ZNF516: variants seen among roughly 807,000 people sequenced by gnomAD.
ZNF516 encodes the protein zinc finger protein 516.
A neutral mutation model predicts 79.7 loss-of-function variants in ZNF516; 19 were observed. That is an observed-to-expected ratio of 0.24 (90% CI 0.17 to 0.35). ZNF516 has a LOEUF of 0.35. Ranked by LOEUF, ZNF516 falls within the 10% of genes least tolerant of loss-of-function variation. ZNF516 has a pLI of 1.00. For missense variants in ZNF516, 1,678 were observed against 1,679.5 expected (o/e 1.00, Z 0.02); for synonymous variants, 877 against 739.5 (o/e 1.19, Z -3.02).
Position 76,441,472 on chromosome 18 carries a change from T to C in ZNF516, c.1583A>G (p.His528Arg), listed in dbSNP as rs941297055. ...FECGKIFRTYHQMVLHSRVHR... is the reference protein window; with the variant it reads ...FECGKIFRTYRQMVLHSRVHR... Reference sequence around the variant, plus strand: ...CACGCGTGAGTGCAGCACCATCTGATGATAGGTGCGGAAGATCTTGCCGCA... The same window carrying C: ...CACGCGTGAGTGCAGCACCATCTGACGATAGGTGCGGAAGATCTTGCCGCA... The change falls in exon 3 of 7, where the codon CAT becomes CGT. Residue 528 changes from histidine to arginine, a missense_variant. Physicochemically the swap from His to Arg is conservative, Grantham distance 29. This residue lies in a region of ZNF516 where 1,294 missense variants were observed against 1,248.3 expected (regional missense o/e 1.04). Coordinates refer to ENST00000443185, the MANE Select transcript of ZNF516 (RefSeq NM_014643.4). The C allele has an allele frequency of 6.2e-6, 10 of 1,603,752 alleles. No homozygotes were observed. The highest frequency in any genetic ancestry group is 8.5e-6 in the Non-Finnish European group (10 of 1,176,506).
intron 3 of ZNF516, among the ~76,000 whole-genome samples, chr18:76,413,967 C>G (rs1016986270): frequency 1.3e-5 from 2 of 152,190 alleles, no homozygotes; most frequent in Admixed American, 1.3e-4. Flanking sequence ...CTAAACAGTT[C>G]AAGAAATTTC....
Position 76,473,577 on chromosome 18 carries a change from G to A in ZNF516, c.-271-10436C>T, listed in dbSNP as rs967037508. Among the ~76,000 whole-genome samples the A allele has an allele frequency of 2.7e-4, 41 of 152,114 alleles. 1 individual carries two copies. Among genetic ancestry groups the A allele is most frequent in the Middle Eastern group, 3.4e-3 (1 of 294 alleles). ...AGCACTTTGGGAGGCCAAGGTGGGC[G>A]GATCACGAGGTCAGGAGATGGAGAC... is the stretch of plus-strand genomic sequence containing the variant. On this transcript the variant is annotated intron_variant, in intron 1 of 6. Coordinates refer to ENST00000443185, the MANE Select transcript of ZNF516 (RefSeq NM_014643.4).
In ZNF516 at chr18:76,385,187, C is replaced by T. The variant is rs577728720; in HGVS notation, c.1811-4884G>A. ...TCGGCTCAAACACACCAGGGGCTCC[C>T]GGGTTCCTTTCTAAGCAGGACCTTC... On this transcript the variant is annotated intron_variant, in intron 3 of 6. Coordinates refer to ENST00000443185, the MANE Select transcript of ZNF516 (RefSeq NM_014643.4). Among the ~76,000 whole-genome samples, 156 of 152,362 alleles carry T rather than the reference C, an allele frequency of 1.0e-3. 1 individual carries two copies. The highest frequency in any genetic ancestry group is 3.2e-3 in the African/African-American group (133 of 41,584).
chr18:76,408,606 CTG>C (rs1371213981), intron 3 of ZNF516, among the ~76,000 whole-genome samples: 2 of 152,196 alleles, frequency 1.3e-5, no homozygotes, highest in Non-Finnish European at 2.9e-5. Context: ...GCTCCCAAGA[CTG>C]TGTGAGACAC....
intron 3 of ZNF516, among the ~76,000 whole-genome samples, chr18:76,427,904 A>G (rs1323028534): frequency 1.3e-5 from 2 of 152,310 alleles, no homozygotes; most frequent in East Asian, 3.9e-4. Flanking sequence ...AAGCAATAAA[A>G]ATATACCACT....
intron 1 of ZNF516, chr18:76,488,149 C>T (rs941441409): frequency 3.0e-6 from 3 of 985,294 alleles, no homozygotes; most frequent in Non-Finnish European, 1.2e-6. Context: ...GACCCCACAA[C>T]GGATGCACAG....
intron 3 of ZNF516, among the ~76,000 whole-genome samples, chr18:76,397,468 GTT>G (rs1444157020): frequency 2.7e-5 from 4 of 148,528 alleles, no homozygotes; most frequent in African/African-American, 1.0e-4. Context: ...ACCCCAAGAT[GTT>G]TATTCTACTT....
chr18:76,392,165 G>A (rs557454953), intron 3 of ZNF516, among the ~76,000 whole-genome samples: 1 of 152,216 alleles, frequency 6.6e-6, no homozygotes, highest in Non-Finnish European at 1.5e-5. Flanking sequence ...TACATCCAGG[G>A]CTCAGGGTGG....
chr18:76,412,905 C>G (rs77366882), intron 3 of ZNF516, among the ~76,000 whole-genome samples: 1 of 152,170 alleles, frequency 6.6e-6, no homozygotes, highest in Non-Finnish European at 1.5e-5. Flanking sequence ...TCCACCTCGC[C>G]CACCTCTGAG....
chr18:76,459,045 A>G lies in ZNF516; in HGVS notation c.-158+3983T>C, dbSNP rs1331442858. Among the ~76,000 whole-genome samples the G allele has an allele frequency of 6.6e-6, 1 of 152,246 alleles. No homozygotes were observed. Among genetic ancestry groups the G allele is most frequent in the Non-Finnish European group, 1.5e-5 (1 of 68,040 alleles). On this transcript the variant is annotated intron_variant, in intron 2 of 6. Coordinates refer to ENST00000443185, the MANE Select transcript of ZNF516 (RefSeq NM_014643.4). The surrounding 1 kb of genome is among the most constrained non-coding windows in gnomAD (Gnocchi z 5.0). Reference sequence around the variant, plus strand: ...ACATGTGTGTGATCTCTTAACCTACATAAAAGCACTCATTCAAATACCCTA... The same window carrying G: ...ACATGTGTGTGATCTCTTAACCTACGTAAAAGCACTCATTCAAATACCCTA...
intron 4 of ZNF516, among the ~76,000 whole-genome samples, chr18:76,376,663 A>G (rs1285496447): frequency 1.3e-5 from 2 of 152,248 alleles, no homozygotes; most frequent in East Asian, 3.9e-4. Flanking sequence ...CTTAAAACTC[A>G]CTTCTACTTT....
At position 76,467,183 on chromosome 18, in the gene ZNF516, G is replaced by A. The variant is rs1422363879; in HGVS notation, c.-271-4042C>T. 1.9e-5 allele frequency among the ~76,000 whole-genome samples: 2 copies of A among 103,968 alleles called. No homozygotes were observed. The highest frequency in any genetic ancestry group is 4.0e-5 in the Non-Finnish European group (2 of 50,326). 68.2% of individuals were successfully genotyped at this position (103,968 alleles called of 152,430 possible). A position where few individuals can be genotyped will look rare whatever the true frequency, so the allele number is the denominator to read the frequency against. On this transcript the variant is annotated intron_variant, in intron 1 of 6. Transcript: ENST00000443185. This position sits in a 1 kb window ranked among gnomAD's most constrained non-coding sequence, Gnocchi z 4.2. ...CTTCTGGGTTGGCAGGAAGTCCTGC[G>A]TGTCTCTCGGAACCTGCAGCTCACA...
At position 76,493,183 on chromosome 18, in the gene ZNF516, G is replaced by C; in HGVS notation, c.-272+1961C>G. 4 of 985,166 alleles carry C rather than the reference G, an allele frequency of 4.1e-6. No homozygotes were observed. The highest frequency in any genetic ancestry group is 4.8e-6 in the Non-Finnish European group (4 of 829,798). 61.0% of individuals were successfully genotyped at this position (985,166 alleles called of 1,614,324 possible). A position where few individuals can be genotyped will look rare whatever the true frequency, so the allele number is the denominator to read the frequency against. On this transcript the variant is annotated intron_variant, in intron 1 of 6. Transcript: ENST00000443185. The surrounding 1 kb of genome is among the most constrained non-coding windows in gnomAD (Gnocchi z 5.2). The stretch of plus-strand genomic sequence containing the variant: ...TCTGAAAGTTAGCCATCTGCGCAGA[G>C]TTTGCCTTCTTTAAGGAGGGAGGCG...
chr18:76,409,474 A>T (rs1361006353), intron 3 of ZNF516, among the ~76,000 whole-genome samples: 3 of 152,238 alleles, frequency 2.0e-5, no homozygotes, highest in Non-Finnish European at 2.9e-5. Context: ...GCTGATTTTG[A>T]AGTTACAGTA....
At position 76,441,357 on chromosome 18, in the gene ZNF516, G is replaced by A. The variant is rs1252553871; in HGVS notation, c.1698C>T (p.Ser566=). ...AGGCGGAGCCAGGGCTGCTGGGCTG[G>A]GAGGCCGAGTCACCCTCACTGAGTG... is the stretch of plus-strand genomic sequence containing the variant. ...CGSLSEGDSA[S]QPSSPGSACA... The change falls in exon 3 of 7, where the codon TCC becomes TCT. Residue 566 remains serine, a synonymous_variant. Transcript: ENST00000443185. 1.2e-6 allele frequency: 2 copies of A among 1,611,380 alleles called. No individual in the cohort carries two copies. Among genetic ancestry groups the A allele is most frequent in the African/African-American group, 2.7e-5 (2 of 74,900 alleles).
intron 1 of ZNF516, among the ~76,000 whole-genome samples, chr18:76,481,982 G>A (rs774850792): frequency 6.6e-6 from 1 of 152,138 alleles, no homozygotes; most frequent in Non-Finnish European, 1.5e-5. Context: ...CTTTCCAAAA[G>A]CTACAATAGC....
chr18:76,371,504 C>T lies in ZNF516; in HGVS notation c.3327G>A (p.Gln1109=). 1 of 1,610,122 alleles carries T rather than the reference C, an allele frequency of 6.2e-7. No individual in the cohort carries two copies. The change falls in exon 5 of 7, where the codon CAG becomes CAA. Residue 1109 remains glutamine, a synonymous_variant. Transcript: ENST00000443185. ...VCIECGKSFH[Q]PGHLRAHMRA... The stretch of plus-strand genomic sequence containing the variant: ...GCATGTGGGCCCTGAGGTGGCCGGG[C>T]TGGTGGAAGCTCTTTCCGCACTCGA...
intron 3 of ZNF516, among the ~76,000 whole-genome samples, chr18:76,430,388 G>A (rs915867917): frequency 2.0e-5 from 3 of 152,046 alleles, no homozygotes; most frequent in African/African-American, 7.3e-5. Flanking sequence ...TTAAATCAAA[G>A]GAAACACAAT....
intron 3 of ZNF516, among the ~76,000 whole-genome samples, chr18:76,440,496 A>C (rs533279990): frequency 6.6e-6 from 1 of 152,392 alleles, no homozygotes; most frequent in South Asian, 2.1e-4. Flanking sequence ...ACAATTATGC[A>C]AAGCAAAAAA....
Sources: allele counts gnomAD v4.1 joint callset (sites outside exome capture counted in the v4.1 genomes callset), GRCh38; gene constraint gnomAD v4.1.1; regional missense constraint gnomAD v4.1.1; non-coding constraint Gnocchi (gnomAD v3.1); transcripts MANE v1.5; gene names NCBI Gene and HGNC (gene_info 2026-07-23, HGNC 2026-07-21).